Variants in DLGAP2 observed in about 807,000 individuals in gnomAD.
DLGAP2 encodes disks large-associated protein 2.
DLGAP2 carries 26 observed loss-of-function variants against 100.3 expected under a neutral mutation model. The ratio of observed to expected loss-of-function variants is 0.26; its 90% CI spans 0.19 to 0.36. The LOEUF is 0.36. DLGAP2 is among the 10% of genes least tolerant of loss of function. The probability of loss-of-function intolerance (pLI) is 1.00; values close to 1 mark genes in which losing one functional copy is unlikely to be tolerated. For synonymous variants in DLGAP2, 886 were observed against 630.1 expected (o/e 1.41, Z -6.08); for missense variants, 1,858 against 1,453.2 (o/e 1.28, Z -4.53).
intron 2 of DLGAP2, among the ~76,000 whole-genome samples, chr8:967,860 A>G (rs1442742085): frequency 1.3e-5 from 1 of 76,254 alleles, no homozygotes; most frequent in Admixed American, 1.3e-4. Context: ...ATATATATAT[A>G]TATATATATA....
At chr8:1,194,932 C>T (rs2116739742) in intron 2 of DLGAP2, among the ~76,000 whole-genome samples, 1 of 152,252 alleles carries the variant, frequency 6.6e-6, no homozygotes, top group East Asian at 1.9e-4. Context: ...CAGTTGTCAA[C>T]TACCAACGGA....
At chr8:1,371,129 A>T (rs10107282) in intron 3 of DLGAP2, among the ~76,000 whole-genome samples, 64,163 of 152,124 alleles carry the variant, frequency 0.42, 13,665 homozygotes, top group South Asian at 0.47. Context: ...TCCCAGATGC[A>T]TGTGTCAGCT....
intron 1 of DLGAP2, among the ~76,000 whole-genome samples, chr8:766,726 A>G (rs191255227): frequency 1.1e-4 from 17 of 152,302 alleles, no homozygotes; most frequent in East Asian, 5.8e-4. Flanking sequence ...ACCAGAGTCA[A>G]TCACCAAAGA....
chr8:914,486 C>T (rs922984193), intron 2 of DLGAP2, among the ~76,000 whole-genome samples: 5 of 151,962 alleles, frequency 3.3e-5, no homozygotes, highest in Admixed American at 3.3e-4. Flanking sequence ...GACCACAGGT[C>T]TTTTATTTCA....
At chr8:1,532,906 T>A (rs531876118) in intron 4 of DLGAP2, among the ~76,000 whole-genome samples, 1 of 152,272 alleles carries the variant, frequency 6.6e-6, no homozygotes, top group East Asian at 1.9e-4. Flanking sequence ...TGAGCGTGGC[T>A]GCCTTTCCAC....
intron 1 of DLGAP2, among the ~76,000 whole-genome samples, chr8:870,869 C>T (rs1797584053): frequency 6.6e-6 from 1 of 152,174 alleles, no homozygotes. Context: ...AAGGACAGAA[C>T]TCGGGAATCT....
chr8:1,267,232 AAAAT>A (rs1338091612), intron 3 of DLGAP2, among the ~76,000 whole-genome samples: 4 of 131,940 alleles, frequency 3.0e-5, no homozygotes, highest in South Asian at 2.6e-4. Context: ...ACTTCATCTC[AAAAT>A]AAATAAATAA....
chr8:1,549,939 C>G (rs1801703430), intron 5 of DLGAP2, among the ~76,000 whole-genome samples: 1 of 152,204 alleles, frequency 6.6e-6, no homozygotes, highest in Admixed American at 6.5e-5. Flanking sequence ...TGGTTGTTAA[C>G]TGCAGTTACC....
intron 2 of DLGAP2, among the ~76,000 whole-genome samples, chr8:1,049,678 TAC>T (rs1004444436): frequency 3.3e-5 from 5 of 151,988 alleles, no homozygotes; most frequent in African/African-American, 1.2e-4. Context: ...CTTCCATGAA[TAC>T]AGACCCATGC....
At chr8:1,191,573 C>G (rs566167972) in intron 2 of DLGAP2, among the ~76,000 whole-genome samples, 2 of 152,348 alleles carry the variant, frequency 1.3e-5, no homozygotes, top group South Asian at 4.1e-4. Flanking sequence ...AAAATCCGCC[C>G]TCTGCACTTC....
chr8:1,557,362 A>G (rs1802000157), intron 5 of DLGAP2, among the ~76,000 whole-genome samples: 1 of 152,158 alleles, frequency 6.6e-6, no homozygotes, highest in Non-Finnish European at 1.5e-5. Context: ...GGTCCCGGAA[A>G]GAGCCCCTGG....
chr8:1,080,271 CA>C (rs1232940020), intron 2 of DLGAP2, among the ~76,000 whole-genome samples: 1 of 152,224 alleles, frequency 6.6e-6, no homozygotes, highest in African/African-American at 2.4e-5. Context: ...ATGCGGGCGC[CA>C]CCCCCGCCCC....
intron 8 of DLGAP2, among the ~76,000 whole-genome samples, chr8:1,665,276 G>A (rs980164037): frequency 2.0e-5 from 3 of 152,062 alleles, no homozygotes; most frequent in African/African-American, 4.8e-5. Context: ...GAACAGTGGC[G>A]ACAGACCTTT....
intron 3 of DLGAP2, among the ~76,000 whole-genome samples, chr8:1,438,102 T>A (rs922225935): frequency 4.3e-4 from 66 of 152,312 alleles, no homozygotes; most frequent in African/African-American, 1.5e-3. Context: ...CACCTGCTGG[T>A]CCCCAGAAGT....
chr8:1,220,551 G>T (rs146256460), intron 2 of DLGAP2, among the ~76,000 whole-genome samples: 2 of 152,130 alleles, frequency 1.3e-5, no homozygotes, highest in African/African-American at 4.8e-5. Context: ...AATATGTGCC[G>T]TGTGGAGATG....
chr8:1,627,766 C>T lies in DLGAP2; in HGVS notation c.1590+879C>T, dbSNP rs183024551. Among the ~76,000 whole-genome samples, 137 of 151,860 alleles carry T rather than the reference C, an allele frequency of 9.0e-4. No individual in the cohort carries two copies. In the East Asian group the frequency reaches 9.7e-3, roughly 11 times the overall value. ...TGAGCCGACCTCACATTCTCTCTGA[C>T]TTACTGTGGAGCAGGGATTAAGAGC... On this transcript the variant is annotated intron_variant, in intron 7 of 14. Coordinates refer to ENST00000637795, the MANE Select transcript of DLGAP2 (RefSeq NM_001346810.2).
At chr8:1,363,143 C>G (rs1240019757) in intron 3 of DLGAP2, among the ~76,000 whole-genome samples, 1 of 152,228 alleles carries the variant, frequency 6.6e-6, no homozygotes, top group Non-Finnish European at 1.5e-5. Flanking sequence ...GTGGGCCACA[C>G]AAAACCATCT....
intron 3 of DLGAP2, among the ~76,000 whole-genome samples, chr8:1,349,456 G>C (rs1166348542): frequency 6.7e-6 from 1 of 148,206 alleles, no homozygotes; most frequent in Admixed American, 6.7e-5. Context: ...TCAGCCTCCT[G>C]CCCACATCCA....
At chr8:849,613 T>C (rs918192439) in intron 1 of DLGAP2, among the ~76,000 whole-genome samples, 2 of 152,196 alleles carry the variant, frequency 1.3e-5, no homozygotes, top group African/African-American at 4.8e-5. Context: ...CCAGGACCCC[T>C]GTAGCCTGGG....
Sources: gnomAD v4.1 joint callset for allele counts (sites outside exome capture counted in the v4.1 genomes callset) on GRCh38, gnomAD v4.1.1 for gene constraint, MANE v1.5 for transcripts, NCBI Gene and HGNC (gene_info 2026-07-23, HGNC 2026-07-21) for gene names.